ARVCF: variants seen among roughly 807,000 people sequenced by gnomAD.
The protein encoded by ARVCF is ARVCF delta catenin family member.
In ARVCF, 66 loss-of-function variants were observed where a neutral mutation model predicts 90.9. The ratio of observed to expected loss-of-function variants is 0.73; its 90% confidence interval spans 0.60 to 0.89. The LOEUF (loss-of-function observed/expected upper bound fraction) is 0.89. Ranked by LOEUF, ARVCF falls within the 40% of genes least tolerant of loss-of-function variation. The probability of loss-of-function intolerance (pLI) is 0.00; values close to 1 mark genes in which losing one functional copy is unlikely to be tolerated. For synonymous variants in ARVCF, 653 were observed against 603.4 expected (o/e 1.08, Z -1.21); for missense variants, 1,469 against 1,382.3 (o/e 1.06, Z -1.00).
In ARVCF at chr22:19,979,962, T is replaced by G. The variant is rs1943393976; in HGVS notation, c.1177A>C (p.Lys393Gln). ...QHLCFENEGV[K>Q]RRVRQLRGLP... ...CCCCGCAACTGCCGTACACGCCGCT[T>G]GACACCCTCGTTCTCAAAGCACAGA... The change falls in exon 6 of 20, where the codon AAG (lysine) becomes CAG (glutamine). Residue 393 changes from lysine (K) to glutamine (Q), a missense_variant. Physicochemically the swap from Lys to Gln is moderately conservative, Grantham distance 53. Transcript: ENST00000263207. The G allele has an allele frequency of 6.3e-7, 1 of 1,596,076 alleles. No homozygotes were observed. Among genetic ancestry groups the G allele is most frequent in the South Asian group, 1.1e-5 (1 of 88,914 alleles).
intron 2 of ARVCF, among the ~76,000 whole-genome samples, chr22:19,999,193 G>A (rs2146432486): frequency 6.6e-6 from 1 of 152,278 alleles, no homozygotes; most frequent in East Asian, 1.9e-4. Context: ...CCCACCCACT[G>A]ACTGCTGCTG....
Position 19,970,574 on chromosome 22 carries a change from G to A in ARVCF, c.*182C>T, listed in dbSNP as rs1338741150. On this transcript the variant is annotated 3_prime_UTR_variant, in exon 20 of 20. Transcript: ENST00000263207. ...TCAGGCCTAGGGAGTTAGGTAGGATGGGGGGAGTGGGGTGGGGGGGCAGGA... is the reference window on the plus strand; with the variant it reads ...TCAGGCCTAGGGAGTTAGGTAGGATAGGGGGAGTGGGGTGGGGGGGCAGGA... 6.5e-6 allele frequency: 8 copies of A among 1,227,958 alleles called. No homozygotes were observed. Among genetic ancestry groups the A allele is most frequent in the South Asian group, 1.4e-5 (1 of 70,118 alleles). 76.1% of individuals were successfully genotyped at this position (1,227,958 alleles called of 1,614,324 possible).
Position 19,989,616 on chromosome 22 carries a change from G to T in ARVCF, c.210+969C>A, listed in dbSNP as rs537522130. 3.1e-4 allele frequency among the ~76,000 whole-genome samples: 47 copies of T among 152,314 alleles called. 1 individual carries two copies. The South Asian group carries it at 9.3e-3, about 30-fold the overall frequency. ...CCAGGCGCAGGTCCCCAGAGTCAGG[G>T]CCCAGCAGGACCAAAGAAGGGCGGG... is the stretch of plus-strand genomic sequence containing the variant. On this transcript the variant is annotated intron_variant, in intron 3 of 19. Coordinates refer to ENST00000263207, the MANE Select transcript of ARVCF (RefSeq NM_001670.3).
chr22:19,997,163 G>A (rs375867347), intron 2 of ARVCF, among the ~76,000 whole-genome samples: 71 of 152,240 alleles, frequency 4.7e-4, no homozygotes, highest in African/African-American at 1.6e-3. Context: ...GCTGGGGTCC[G>A]GTCAAGGCAG....
chr22:19,981,528 G>A lies in ARVCF; in HGVS notation c.579C>T (p.Pro193=), dbSNP rs537829767. The A allele has an allele frequency of 5.8e-5, 92 of 1,577,746 alleles. 1 individual carries two copies. The South Asian group carries it at 6.6e-4, about 11-fold the overall frequency. ...LSSGGGFPEG[P]EPRDSPSYGS... is the part of the protein sequence containing the mutation. ...CATAGCTGGGGCTGTCCCGGGGCTCGGGGCCTTCGGGAAAGCCACCCCCAC... is the reference window on the plus strand; with the variant it reads ...CATAGCTGGGGCTGTCCCGGGGCTCAGGGCCTTCGGGAAAGCCACCCCCAC... The change falls in exon 5 of 20, where the codon CCC becomes CCT. Residue 193 remains proline (P), a synonymous_variant. Transcript: ENST00000263207.
At chr22:19,973,068 C>CCCCA in intron 14 of ARVCF, 32 bp from the exon 15 acceptor site, 1 of 1,605,426 alleles carries the variant, frequency 6.2e-7, no homozygotes. Flanking sequence ...CAGTGGTGGC[C>CCCCA]CCTCCCCCAC....
intron 3 of ARVCF, among the ~76,000 whole-genome samples, chr22:19,989,433 C>T (rs527428745): frequency 1.2e-4 from 18 of 152,198 alleles, no homozygotes; most frequent in Non-Finnish European, 2.6e-4. Flanking sequence ...TCACCAACCC[C>T]AGGTCCCTCG....
At chr22:19,978,746 GC>G in intron 7 of ARVCF, 150 bp downstream of exon 7, 1 of 967,564 alleles carries the variant, frequency 1.0e-6, no homozygotes. Flanking sequence ...GCTCCATCAG[GC>G]CCCACTTCTC....
Position 19,980,192 on chromosome 22 carries a change from G to C in ARVCF, c.947C>G (p.Pro316Arg). 6.4e-7 allele frequency: 1 copy of C among 1,559,286 alleles called. No individual in the cohort carries two copies. Among genetic ancestry groups the C allele is most frequent in the Non-Finnish European group, 8.7e-7 (1 of 1,153,402 alleles). ...GGGCGCCGTCACCATTGGGAACGCA[G>C]GCCGCTCGTCCGCCAGCTCGCCGCC... ...DDGGELADER[P>R]AFPMVTAPLA... Residue 316 changes from proline to arginine, a missense_variant, in exon 6 of 20, where the codon CCT (proline) becomes CGT (arginine). By Grantham distance (103) the Pro-to-Arg change is moderately radical. Coordinates refer to ENST00000263207, the MANE Select transcript of ARVCF (RefSeq NM_001670.3).
At chr22:19,979,443 G>T in intron 6 of ARVCF, 1 of 544,736 alleles carries the variant, frequency 1.8e-6, no homozygotes, top group East Asian at 3.1e-5. Context: ...CGGTTGGGGT[G>T]GGAACCAAGG....
At chr22:19,985,491 T>A (rs1428957079) in intron 3 of ARVCF, among the ~76,000 whole-genome samples, 1 of 152,210 alleles carries the variant, frequency 6.6e-6, no homozygotes, top group Non-Finnish European at 1.5e-5. Flanking sequence ...CTGGGCCCCA[T>A]CACGCACCTT....
Position 19,973,368 on chromosome 22 carries a change from G to A in ARVCF, c.2240-51C>T, listed in dbSNP as rs530016774. On this transcript the variant is annotated intron_variant, in intron 13 of 19. Coordinates refer to ENST00000263207, the MANE Select transcript of ARVCF (RefSeq NM_001670.3). ...ACACACCTCTGCCCCACCTCTCCAG[G>A]AAGGAGCAGGGATCCCGCGAGGGCG... 4.6e-5 allele frequency: 71 copies of A among 1,531,018 alleles called. No homozygotes were observed. The South Asian group carries it at 7.9e-4, about 17-fold the overall frequency. The allele number at this position is 1,531,018 out of a possible 1,614,324, so 94.8% of individuals were successfully genotyped here. A position where few individuals can be genotyped will look rare whatever the true frequency, so the allele number is the denominator to read the frequency against.
intron 2 of ARVCF, among the ~76,000 whole-genome samples, chr22:19,994,744 G>A (rs1227645815): frequency 7.0e-6 from 1 of 142,102 alleles, no homozygotes; most frequent in Non-Finnish European, 1.5e-5. Flanking sequence ...AATGATGGGA[G>A]ATGGACATAT....
intron 2 of ARVCF, among the ~76,000 whole-genome samples, chr22:19,994,053 G>A (rs577140802): frequency 6.6e-6 from 1 of 152,272 alleles, no homozygotes; most frequent in Admixed American, 6.5e-5. Flanking sequence ...AGACTAGAGG[G>A]AGGGCAAGCA....
At chr22:20,014,666 C>T (rs1401245602) in intron 1 of ARVCF, among the ~76,000 whole-genome samples, 1 of 152,242 alleles carries the variant, frequency 6.6e-6, no homozygotes. Flanking sequence ...CCCTGACTCC[C>T]TATCCCAGCT....
chr22:19,977,353 G>A (rs1429744927), intron 9 of ARVCF, 62 bp downstream of exon 9: 2 of 1,465,498 alleles, frequency 1.4e-6, no homozygotes, highest in Non-Finnish European at 1.8e-6. Flanking sequence ...GGTGTACAGA[G>A]AGCCTTCCGC....
chr22:19,972,744 C>G lies in ARVCF; in HGVS notation c.2634G>C (p.Lys878Asn), dbSNP rs756281840. The G allele has an allele frequency of 6.2e-7, 1 of 1,610,740 alleles. No individual in the cohort carries two copies. The highest frequency in any genetic ancestry group is 8.5e-7 in the Non-Finnish European group (1 of 1,178,330). The change falls in exon 16 of 20, where the codon AAG becomes AAC. Residue 878 changes from lysine (K) to asparagine (N), a missense_variant. Transcript: ENST00000263207. ...CTAAGCTCCACCACTCACCAAGGCT[C>G]TTGTCCACCAGTGGCAGCGTGCTGT... The part of the protein sequence containing the change: ...FDDSTLPLVD[K>N]SLEGEKTGSR...
intron 3 of ARVCF, among the ~76,000 whole-genome samples, chr22:19,984,438 G>T (rs1048899416): frequency 6.6e-6 from 1 of 152,150 alleles, no homozygotes; most frequent in African/African-American, 2.4e-5. Flanking sequence ...AGGATCCAGA[G>T]GCCCCAAGAG....
chr22:20,000,457 C>A (rs568677976), intron 2 of ARVCF, among the ~76,000 whole-genome samples: 18 of 152,196 alleles, frequency 1.2e-4, no homozygotes, highest in South Asian at 4.1e-4. Flanking sequence ...GGCTGCACCA[C>A]CCCATCCAGG....
Sources: gnomAD v4.1 joint callset for allele counts (sites outside exome capture counted in the v4.1 genomes callset) on GRCh38, gnomAD v4.1.1 for gene constraint, MANE v1.5 for transcripts, NCBI Gene and HGNC (gene_info 2026-07-23, HGNC 2026-07-21) for gene names.